Variants in AASDH observed in about 807,000 individuals in gnomAD.
AASDH encodes aminoadipate-semialdehyde dehydrogenase.
In AASDH, 81 loss-of-function variants were observed where a neutral mutation model predicts 102.3. The ratio of observed to expected loss-of-function variants is 0.79; its 90% CI spans 0.66 to 0.95. The LOEUF is 0.95. Ranked by LOEUF, AASDH falls within the 40% of genes least tolerant of loss-of-function variation. The probability of loss-of-function intolerance (pLI) is 0.00; values close to 1 mark genes in which losing one functional copy is unlikely to be tolerated. For missense variants in AASDH, 1,203 were observed against 1,266.2 expected, an observed-to-expected ratio of 0.95 and a Z score of 0.76; for synonymous variants, 398 against 454.0, an observed-to-expected ratio of 0.88 and a Z score of 1.57.
intron 14 of AASDH, 27 bp downstream of exon 14, chr4:56,342,808 T>C: frequency 9.4e-7 from 1 of 1,068,512 alleles, no homozygotes; most frequent in East Asian, 4.2e-5. Flanking sequence ...TAAAAATGTA[T>C]ATATAAAAAA....
intron 5 of AASDH, among the ~76,000 whole-genome samples, chr4:56,362,730 AGGAGAGAAAAGATGAACCCTG>A (rs1339942469): frequency 6.6e-6 from 1 of 152,206 alleles, no homozygotes; most frequent in African/African-American, 2.4e-5. Flanking sequence ...AACTGGACTT[AGGAGAGAAAAGATGAACCCTG>A]GGGGTGGAGC....
intron 5 of AASDH, among the ~76,000 whole-genome samples, chr4:56,369,486 C>T (rs896436240): frequency 2.0e-5 from 3 of 152,178 alleles, no homozygotes; most frequent in South Asian, 2.1e-4. Flanking sequence ...CTGCTACACT[C>T]GGTTCATATA....
intron 5 of AASDH, among the ~76,000 whole-genome samples, chr4:56,362,519 C>T (rs950178894): frequency 2.0e-5 from 3 of 152,162 alleles, no homozygotes; most frequent in African/African-American, 7.2e-5. Context: ...CCCACTTTGG[C>T]CTCTCAAAGT....
rs533883153 is a variant in AASDH at position 56,354,050 on chromosome 4, G to A, written c.1372C>T (p.Leu458Phe). 1.9e-6 allele frequency: 3 copies of A among 1,609,284 alleles called. No individual in the cohort carries two copies. Among genetic ancestry groups the A allele is most frequent in the South Asian group, 1.1e-5 (1 of 89,930 alleles). Reference protein sequence around the residue: ...KRHGKRLNIELVQQVAEELQQ... With the variant: ...KRHGKRLNIEFVQQVAEELQQ... Reference sequence around the variant, plus strand: ...TTAAATAGTTCTACCTGTTGCACAAGTTCAATGTTAAGACGTTTGCCATGA... The same window carrying A: ...TTAAATAGTTCTACCTGTTGCACAAATTCAATGTTAAGACGTTTGCCATGA... The change falls in exon 8 of 15, where the codon CTT becomes TTT. Residue 458 changes from leucine (L) to phenylalanine (F), a missense_variant. Transcript: ENST00000205214.
At chr4:56,386,398 C>T (rs1281019005) in intron 1 of AASDH, among the ~76,000 whole-genome samples, 3 of 152,194 alleles carry the variant, frequency 2.0e-5, no homozygotes, top group Non-Finnish European at 4.4e-5. Context: ...AAAATCCATT[C>T]TTCTTGTCTC....
In AASDH at chr4:56,350,077, A is replaced by G; in HGVS notation, c.1693-19T>C. ...GAGTAGACTACAGATGAGAGAATAG[A>G]GAAATATGTGACGTAAAGGTCTAAA... On this transcript the variant is annotated intron_variant, in intron 10 of 14. Coordinates refer to ENST00000205214, the MANE Select transcript of AASDH (RefSeq NM_181806.4). 6.5e-7 allele frequency: 1 copy of G among 1,542,618 alleles called. No homozygotes were observed.
At chr4:56,370,657 A>G (rs7699157) in intron 5 of AASDH, among the ~76,000 whole-genome samples, 54,500 of 152,006 alleles carry the variant, frequency 0.36, 10,289 homozygotes, top group Non-Finnish European at 0.43. Flanking sequence ...TCCCACCTCC[A>G]GAACTATAAG....
chr4:56,363,878 C>T (rs1348933011), intron 5 of AASDH, among the ~76,000 whole-genome samples: 2 of 152,202 alleles, frequency 1.3e-5, no homozygotes, highest in Non-Finnish European at 2.9e-5. Flanking sequence ...CAGAGAATGA[C>T]TTTGACAAGT....
At chr4:56,381,646 T>TTC (rs34032296) in intron 3 of AASDH, 12,744 of 52,336 alleles carry the variant, frequency 0.24, 772 homozygotes, top group East Asian at 0.42. Context: ...TTCTTGACAC[T>TTC]TCTCACACAC....
intron 4 of AASDH, among the ~76,000 whole-genome samples, chr4:56,373,138 G>GT (rs1199935121): frequency 2.0e-5 from 3 of 152,012 alleles, no homozygotes; most frequent in Non-Finnish European, 4.4e-5. Flanking sequence ...TATATTTCTA[G>GT]TTTTTTTGTT....
At chr4:56,369,540 C>T (rs1751446133) in intron 5 of AASDH, among the ~76,000 whole-genome samples, 1 of 152,120 alleles carries the variant, frequency 6.6e-6, no homozygotes, top group African/African-American at 2.4e-5. Context: ...TAAAGAAGTT[C>T]AAAGTATCAA....
At chr4:56,381,511 G>C (rs1752939591) in intron 3 of AASDH, among the ~76,000 whole-genome samples, 1 of 151,848 alleles carries the variant, frequency 6.6e-6, no homozygotes, top group Non-Finnish European at 1.5e-5. Flanking sequence ...CTGGGAGGCG[G>C]AGGTTGCAGT....
intron 3 of AASDH, among the ~76,000 whole-genome samples, chr4:56,380,745 G>A (rs1443647096): frequency 6.6e-6 from 1 of 152,122 alleles, no homozygotes; most frequent in Admixed American, 6.5e-5. Context: ...CAACACTACT[G>A]ATATTTTGGA....
At chr4:56,343,843 G>A (rs1402635401) in intron 12 of AASDH, among the ~76,000 whole-genome samples, 159 bp from the exon 13 acceptor site, 2 of 152,048 alleles carry the variant, frequency 1.3e-5, no homozygotes, top group African/African-American at 4.8e-5. Flanking sequence ...TAAAGACAAA[G>A]GACACTACCC....
Position 56,382,569 on chromosome 4 carries a change from G to C in AASDH, c.259C>G (p.Pro87Ala), listed in dbSNP as rs745346867. 3 of 1,610,406 alleles carry C rather than the reference G, an allele frequency of 1.9e-6. No individual in the cohort carries two copies. The South Asian group carries it at 3.3e-5, about 18-fold the overall frequency. Residue 87 changes from proline to alanine, a missense_variant, in exon 3 of 15, where the codon CCT becomes GCT. By Grantham distance (27) the Pro-to-Ala change is conservative. Coordinates refer to ENST00000205214, the MANE Select transcript of AASDH (RefSeq NM_181806.4). ...GILQVPAAYV[P>A]IEPDSPPSLS... ...GACGGTGGTGAATCTGGCTCGATAG[G>C]TACATAAGCAGCCGGGACTTGGAGA...
Position 56,354,102 on chromosome 4 carries a change from C to CAA in AASDH, c.1318_1319dup (p.Leu440PhefsTer44). ...GTTTGATCTGACTGTCTTTTCGTCCCAAAAAAAAAATCTCTCCATCTTTCA... is the reference window on the plus strand; with the variant it reads ...GTTTGATCTGACTGTCTTTTCGTCCCAAAAAAAAAAAATCTCTCCATCTTTCA... On this transcript the variant is annotated frameshift_variant, in exon 8 of 15. Transcript: ENST00000205214. LOFTEE classifies it high-confidence loss of function. The CAA allele has an allele frequency of 6.6e-7, 1 of 1,507,070 alleles. No homozygotes were observed. Among genetic ancestry groups the CAA allele is most frequent in the South Asian group, 1.2e-5 (1 of 80,728 alleles). The allele number at this position is 1,507,070 out of a possible 1,614,324, so 93.4% of individuals were successfully genotyped here.
chr4:56,354,988 A>T (rs1749430481), intron 6 of AASDH, among the ~76,000 whole-genome samples, 177 bp from the exon 7 acceptor site: 1 of 152,254 alleles, frequency 6.6e-6, no homozygotes, highest in Non-Finnish European at 1.5e-5. Context: ...ATTCATTACT[A>T]TTTAGTACAA....
At chr4:56,358,642 A>G (rs572417861) in intron 5 of AASDH, among the ~76,000 whole-genome samples, 3 of 152,168 alleles carry the variant, frequency 2.0e-5, no homozygotes, top group Non-Finnish European at 4.4e-5. Context: ...TTTACGTAGT[A>G]TACATCATCA....
intron 11 of AASDH, among the ~76,000 whole-genome samples, chr4:56,347,246 A>C (rs1277546163): frequency 6.6e-6 from 1 of 152,212 alleles, no homozygotes; most frequent in Non-Finnish European, 1.5e-5. Flanking sequence ...CACTTTGGGA[A>C]ACAATTCAGC....
Sources: gnomAD v4.1 joint callset for allele counts (sites outside exome capture counted in the v4.1 genomes callset) on GRCh38, gnomAD v4.1.1 for gene constraint, MANE v1.5 for transcripts, NCBI Gene and HGNC (gene_info 2026-07-23, HGNC 2026-07-21) for gene names.